MYO9B: variants seen among roughly 807,000 people sequenced by gnomAD.
MYO9B encodes myosin IXB, also known as unconventional myosin-IXb.
Under a neutral mutation model 229.5 loss-of-function variants are expected in MYO9B, and 71 were observed. The ratio of observed to expected loss-of-function variants is 0.31; its 90% CI spans 0.26 to 0.38. MYO9B has a LOEUF of 0.38. MYO9B is among the 10% of genes least tolerant of loss of function. The pLI, the probability that MYO9B is intolerant of heterozygous loss-of-function variation, is 1.00. For synonymous variants in MYO9B, 1,185 were observed against 1,235.8 expected (o/e 0.96, Z 0.86); for missense variants, 2,255 against 2,920.5 (o/e 0.77, Z 5.25).
intron 1 of MYO9B, among the ~76,000 whole-genome samples, chr19:17,083,209 T>C (rs984236919): frequency 6.6e-6 from 1 of 151,962 alleles, no homozygotes; most frequent in Non-Finnish European, 1.5e-5. Context: ...CTAATTTTTG[T>C]ATTGTTTATA....
intron 14 of MYO9B, among the ~76,000 whole-genome samples, chr19:17,177,200 CA>C (rs1255569848): frequency 2.0e-5 from 3 of 150,084 alleles, no homozygotes; most frequent in African/African-American, 7.3e-5. Flanking sequence ...GACTCTGTCT[CA>C]AAAAAAAGTT....
intron 2 of MYO9B, among the ~76,000 whole-genome samples, chr19:17,130,540 A>C (rs1408551907): frequency 6.6e-6 from 1 of 152,104 alleles, no homozygotes; most frequent in Non-Finnish European, 1.5e-5. Context: ...GAATGGCGTG[A>C]ACCCAGGAGG....
In MYO9B at chr19:17,162,477, C is replaced by T. The variant is rs2072614432; in HGVS notation, c.1536+11C>T. The T allele has an allele frequency of 1.3e-6, 2 of 1,550,794 alleles. No homozygotes were observed. The highest frequency in any genetic ancestry group is 1.9e-5 in the Admixed American group (1 of 51,364). On this transcript the variant is annotated intron_variant, in intron 9 of 39. Transcript: ENST00000682292. ...GAAGAGGCAGTCTCGGTGAGTGCCC[C>T]CATTTGCTTCCTCAAGCCCGGCCAG...
intron 2 of MYO9B, among the ~76,000 whole-genome samples, chr19:17,132,178 C>CTTTTTTT (rs60927116): frequency 3.7e-4 from 29 of 78,452 alleles, no homozygotes; most frequent in African/African-American, 6.2e-4. Context: ...TATTTTATTT[C>CTTTTTTT]TTTTTTTTTT....
At chr19:17,132,307 TC>T (rs2072208551) in intron 2 of MYO9B, among the ~76,000 whole-genome samples, 1 of 136,976 alleles carries the variant, frequency 7.3e-6, no homozygotes, top group Non-Finnish European at 1.5e-5. Flanking sequence ...TGCCTCAGCC[TC>T]CCAAGTAGGA....
intron 10 of MYO9B, among the ~76,000 whole-genome samples, chr19:17,167,473 AT>A (rs36062777): frequency 0.3 from 35,634 of 117,086 alleles, 4,086 homozygotes; most frequent in African/African-American, 0.36. Context: ...TATTAGAGCT[AT>A]TTTTTTTTTT....
In MYO9B at chr19:17,194,612, T is replaced by C. The variant is rs1449960729; in HGVS notation, c.3185T>C (p.Leu1062Pro). ...GCAGAAGAGAAGGAGAGGGAAGCCC[T>C]GGAAGCCGCAAGAGCAGGTGCTGAG... ...QKAEEKEREA[L>P]EAARAGAEEG... Residue 1062 changes from leucine (L) to proline (P), a missense_variant, in exon 22 of 40, where the codon CTG becomes CCG. Leu to Pro is a moderately conservative substitution (Grantham distance 98, BLOSUM62 -3). Coordinates refer to ENST00000682292, the MANE Select transcript of MYO9B (RefSeq NM_004145.4). 1.2e-6 allele frequency: 2 copies of C among 1,612,794 alleles called. No individual in the cohort carries two copies.
At chr19:17,096,243 C>A (rs973845664) in intron 1 of MYO9B, among the ~76,000 whole-genome samples, 1 of 152,166 alleles carries the variant, frequency 6.6e-6, no homozygotes, top group East Asian at 1.9e-4. Flanking sequence ...CAGTTTGGGA[C>A]TCTCAGAAGT....
intron 2 of MYO9B, among the ~76,000 whole-genome samples, chr19:17,137,375 G>A (rs80179258): frequency 0.046 from 6,941 of 152,102 alleles, 209 homozygotes; most frequent in Middle Eastern, 0.078. Flanking sequence ...CAGTCTGGGC[G>A]ACAGAGTGAG....
intron 1 of MYO9B, among the ~76,000 whole-genome samples, chr19:17,093,480 G>A (rs559203147): frequency 6.6e-6 from 1 of 152,272 alleles, no homozygotes; most frequent in East Asian, 1.9e-4. Context: ...TGGCGTCCTG[G>A]GACGACCAGG....
chr19:17,169,232 C>A (rs1293727011), intron 11 of MYO9B, among the ~76,000 whole-genome samples: 1 of 151,968 alleles, frequency 6.6e-6, no homozygotes, highest in East Asian at 1.9e-4. Flanking sequence ...ATTAGCCGGG[C>A]ATGGTGACAG....
intron 2 of MYO9B, among the ~76,000 whole-genome samples, chr19:17,145,024 C>T (rs1016078357): frequency 1.3e-5 from 2 of 149,354 alleles, no homozygotes; most frequent in African/African-American, 4.9e-5. Context: ...GGCACAGTGA[C>T]TCATGCACTT....
chr19:17,084,761 C>T (rs962483712), intron 1 of MYO9B, among the ~76,000 whole-genome samples: 1 of 151,468 alleles, frequency 6.6e-6, no homozygotes, highest in Non-Finnish European at 1.5e-5. Context: ...CAAAATTAGC[C>T]AGGTATGGTG....
chr19:17,180,885 A>G (rs370724422), intron 14 of MYO9B, 42 bp from the exon 15 acceptor site: 10 of 1,401,440 alleles, frequency 7.1e-6, no homozygotes, highest in Non-Finnish European at 8.0e-6. Flanking sequence ...TTCTAACTCC[A>G]TCTTCTTTCT....
chr19:17,180,997 C>A lies in MYO9B; in HGVS notation c.2290C>A (p.Leu764Ile). The change falls in exon 15 of 40, where the codon CTC becomes ATC. Residue 764 changes from leucine to isoleucine, a missense_variant. Leu to Ile is a conservative substitution (Grantham distance 5). Around this residue, in one of 7 missense-constraint regions of MYO9B, gnomAD observed 155 missense variants for 159.1 expected, o/e 0.97. Coordinates refer to ENST00000682292, the MANE Select transcript of MYO9B (RefSeq NM_004145.4). ...GCAGGGCGAGGACCCCCGTAGCCTT[C>A]TCCAGTCCCTCAGTCGGCTCCAGAA... ...PWQGEDPRSL[L>I]QSLSRLQKPR... is the part of the protein sequence containing the mutation. The A allele has an allele frequency of 6.2e-7, 1 of 1,611,036 alleles. No homozygotes were observed. Among genetic ancestry groups the A allele is most frequent in the Non-Finnish European group, 8.5e-7 (1 of 1,178,788 alleles).
chr19:17,119,900 G>A (rs917204875), intron 2 of MYO9B, among the ~76,000 whole-genome samples: 1 of 152,056 alleles, frequency 6.6e-6, no homozygotes, highest in East Asian at 1.9e-4. Context: ...CACCTGCCTC[G>A]GCCTCCCAAA....
At chr19:17,161,987 C>CA (rs71180369) in intron 8 of MYO9B, among the ~76,000 whole-genome samples, 3,413 of 110,198 alleles carry the variant, frequency 0.031, 107 homozygotes, top group African/African-American at 0.058. Context: ...GACCCTGTGT[C>CA]AAAAAAAAAA....
chr19:17,092,758 G>A (rs1437694587), intron 1 of MYO9B, among the ~76,000 whole-genome samples: 4 of 146,032 alleles, frequency 2.7e-5, no homozygotes, highest in Non-Finnish European at 4.5e-5. Flanking sequence ...TTGCACATAT[G>A]TTTTTTCATA....
At chr19:17,154,090 A>G (rs2072510980) in intron 5 of MYO9B, 24 bp downstream of exon 5, 12 of 1,588,124 alleles carry the variant, frequency 7.6e-6, no homozygotes, top group Non-Finnish European at 1.0e-5. Flanking sequence ...AGCCCGAGCC[A>G]CAAACGCCAC....
Sources: gnomAD v4.1 joint callset for allele counts (sites outside exome capture counted in the v4.1 genomes callset) on GRCh38, gnomAD v4.1.1 for gene constraint, gnomAD v4.1.1 regional missense constraint, MANE v1.5 for transcripts, NCBI Gene and HGNC (gene_info 2026-07-23, HGNC 2026-07-21) for gene names.